LRRFIP2: variants seen among roughly 807,000 people sequenced by gnomAD.
LRRFIP2 encodes the protein leucine-rich repeat flightless-interacting protein 2.
Under a neutral mutation model 125.9 loss-of-function variants are expected in LRRFIP2, and 109 were observed. That is an observed-to-expected ratio of 0.87 (90% CI 0.74 to 1.01). The LOEUF (loss-of-function observed/expected upper bound fraction) is 1.01, where lower values mean the gene tolerates loss of function less well. Ranked by LOEUF, LRRFIP2 falls within the 50% of genes least tolerant of loss-of-function variation. The pLI, the probability that LRRFIP2 is intolerant of heterozygous loss-of-function variation, is 0.00. For missense variants in LRRFIP2, 850 were observed against 862.3 expected, an observed-to-expected ratio of 0.99 and a Z score of 0.18; for synonymous variants, 291 against 293.1, an observed-to-expected ratio of 0.99 and a Z score of 0.07.
chr3:37,100,420 A>G (rs2093973617), intron 15 of LRRFIP2, among the ~76,000 whole-genome samples: 1 of 143,102 alleles, frequency 7.0e-6, no homozygotes, highest in Non-Finnish European at 1.6e-5. Context: ...ATACATATAC[A>G]TACATATATG....
At chr3:37,166,737 G>C (rs1560172900) in intron 1 of LRRFIP2, among the ~76,000 whole-genome samples, 1 of 150,722 alleles carries the variant, frequency 6.6e-6, no homozygotes, top group African/African-American at 2.4e-5. Flanking sequence ...AAAAAAAAGA[G>C]GCAAGGCACA....
intron 24 of LRRFIP2, among the ~76,000 whole-genome samples, chr3:37,061,408 C>CT (rs759985322): frequency 0.048 from 6,682 of 138,678 alleles, 214 homozygotes; most frequent in African/African-American, 0.09. Flanking sequence ...TTCTTTTTTC[C>CT]TTTTTTTTTT....
At chr3:37,158,702 T>G (rs112854771) in intron 1 of LRRFIP2, among the ~76,000 whole-genome samples, 123 of 150,730 alleles carry the variant, frequency 8.2e-4, no homozygotes, top group African/African-American at 3.0e-3. Context: ...AACCAAAGAA[T>G]CAAGATGAAA....
At chr3:37,122,198 G>A (rs896710620) in intron 4 of LRRFIP2, among the ~76,000 whole-genome samples, 1 of 151,410 alleles carries the variant, frequency 6.6e-6, no homozygotes, top group African/African-American at 2.4e-5. Context: ...ACAGTTTGCT[G>A]AGAATGATGG....
chr3:37,104,419 G>A (rs974211715), intron 14 of LRRFIP2, among the ~76,000 whole-genome samples: 19 of 152,144 alleles, frequency 1.2e-4, no homozygotes, highest in African/African-American at 4.1e-4. Context: ...AGTTGTGAGC[G>A]TGAGCATTAG....
At chr3:37,084,204 T>C (rs574060060) in intron 18 of LRRFIP2, among the ~76,000 whole-genome samples, 3 of 152,204 alleles carry the variant, frequency 2.0e-5, no homozygotes, top group Non-Finnish European at 4.4e-5. Context: ...AGCCTCTCTT[T>C]ACACAGGTGA....
intron 2 of LRRFIP2, among the ~76,000 whole-genome samples, chr3:37,129,629 TCTCCCCA>T (rs2095374857): frequency 6.6e-6 from 1 of 152,156 alleles, no homozygotes; most frequent in South Asian, 2.1e-4. Context: ...GAACTCTTCA[TCTCCCCA>T]CTCCCCACCT....
At chr3:37,097,524 T>A (rs1295851777) in intron 15 of LRRFIP2, among the ~76,000 whole-genome samples, 5 of 152,194 alleles carry the variant, frequency 3.3e-5, no homozygotes, top group African/African-American at 9.6e-5. Context: ...GAATAGTGTC[T>A]GGCATAGAGA....
intron 1 of LRRFIP2, among the ~76,000 whole-genome samples, chr3:37,169,447 T>C (rs973614935): frequency 6.6e-6 from 1 of 152,242 alleles, no homozygotes; most frequent in African/African-American, 2.4e-5. Flanking sequence ...TGAATTTTTT[T>C]CTACATTTAG....
chr3:37,113,840 G>T (rs548781255), intron 7 of LRRFIP2, among the ~76,000 whole-genome samples: 1 of 152,206 alleles, frequency 6.6e-6, no homozygotes, highest in South Asian at 2.1e-4. Context: ...CTTATAAAAG[G>T]GTCCCTTGAA....
At chr3:37,104,989 C>A (rs1166282060) in intron 14 of LRRFIP2, among the ~76,000 whole-genome samples, 4 of 152,128 alleles carry the variant, frequency 2.6e-5, no homozygotes, top group Admixed American at 6.6e-5. Context: ...GGATTATAGG[C>A]ATGAGCCACC....
chr3:37,075,964 G>A (rs2091959777), intron 19 of LRRFIP2, among the ~76,000 whole-genome samples: 1 of 152,118 alleles, frequency 6.6e-6, no homozygotes, highest in Non-Finnish European at 1.5e-5. Flanking sequence ...TTTTAAATTA[G>A]TAATGTTGGG....
intron 4 of LRRFIP2, among the ~76,000 whole-genome samples, chr3:37,125,226 C>T (rs1054694434): frequency 1.1e-4 from 17 of 152,178 alleles, no homozygotes; most frequent in Non-Finnish European, 1.9e-4. Context: ...GTATTTGTTA[C>T]TAAGTTGACA....
chr3:37,172,333 G>C (rs2096596750), intron 1 of LRRFIP2, among the ~76,000 whole-genome samples: 1 of 152,190 alleles, frequency 6.6e-6, no homozygotes, highest in South Asian at 2.1e-4. Context: ...ATCTACACTA[G>C]CAAGGCATGC....
At chr3:37,166,199 G>A (rs901187408) in intron 1 of LRRFIP2, among the ~76,000 whole-genome samples, 24 of 151,956 alleles carry the variant, frequency 1.6e-4, no homozygotes, top group Admixed American at 1.3e-3. Context: ...GCATGGTGGC[G>A]CATGCCTGTA....
At chr3:37,108,193 C>A in intron 12 of LRRFIP2, 64 bp from the exon 13 acceptor site, 1 of 1,268,492 alleles carries the variant, frequency 7.9e-7, no homozygotes, top group Non-Finnish European at 1.1e-6. Flanking sequence ...AATGAGAATA[C>A]ATTAGGGACC....
At chr3:37,130,544 C>G (rs1023830605) in intron 2 of LRRFIP2, among the ~76,000 whole-genome samples, 13 of 152,130 alleles carry the variant, frequency 8.5e-5, no homozygotes, top group African/African-American at 3.1e-4. Context: ...TTTCAGTTAC[C>G]CATGGTTAAC....
Position 37,121,526 on chromosome 3 carries a change from T to C in LRRFIP2, c.296A>G (p.Asp99Gly), listed in dbSNP as rs201527736. 3.5e-5 allele frequency: 57 copies of C among 1,613,934 alleles called. No individual in the cohort carries two copies. In the Admixed American group the frequency reaches 3.7e-4, roughly 10 times the overall value. Residue 99 changes from aspartate to glycine, a missense_variant, in exon 6 of 28, where the codon GAT becomes GGT. Transcript: ENST00000336686. ...GCCAACACTTCGAATGGACAATGCA[T>C]CCTCAACTCCCTGATAAAAATGAAA... ...SHHRPYLGVE[D>G]ALSIRSVGSH... is the part of the protein sequence containing the mutation.
At chr3:37,084,960 T>C (rs1010133744) in intron 18 of LRRFIP2, among the ~76,000 whole-genome samples, 6 of 152,184 alleles carry the variant, frequency 3.9e-5, no homozygotes, top group African/African-American at 1.2e-4. Flanking sequence ...AGCCCAGAAC[T>C]TACATTTACA....
Sources: allele counts gnomAD v4.1 joint callset (sites outside exome capture counted in the v4.1 genomes callset), GRCh38; gene constraint gnomAD v4.1.1; transcripts MANE v1.5; gene names NCBI Gene and HGNC (gene_info 2026-07-23, HGNC 2026-07-21).